PPM1L: variants seen among roughly 807,000 people sequenced by gnomAD.
PPM1L encodes the protein protein phosphatase, Mg2+/Mn2+ dependent 1L.
PPM1L carries 13 observed loss-of-function variants against 31.4 expected under a neutral mutation model. The observed-to-expected ratio is 0.41, with a 90% CI of 0.27 to 0.66. The LOEUF is 0.66. PPM1L is among the 30% of genes least tolerant of loss of function. PPM1L has a pLI of 0.29. For missense variants in PPM1L, 326 were observed against 453.7 expected (o/e 0.72, Z 2.56); for synonymous variants, 184 against 175.4 (o/e 1.05, Z -0.39).
intron 1 of PPM1L, among the ~76,000 whole-genome samples, chr3:160,786,157 C>CTG (rs1239014226): frequency 0.011 from 778 of 69,108 alleles, 10 homozygotes; most frequent in Non-Finnish European, 0.015. Context: ...CTCTCTCTCT[C>CTG]TGTGTGTGTG....
chr3:161,038,142 G>A (rs1576799186), intron 2 of PPM1L, among the ~76,000 whole-genome samples: 1 of 148,546 alleles, frequency 6.7e-6, no homozygotes, highest in South Asian at 2.1e-4. Context: ...GCTGAGGCAG[G>A]AGAATGGCGT....
intron 2 of PPM1L, among the ~76,000 whole-genome samples, chr3:161,029,823 A>G (rs1230788948): frequency 6.6e-6 from 1 of 152,288 alleles, no homozygotes; most frequent in African/African-American, 2.4e-5. Flanking sequence ...AGAGAAAACA[A>G]AAGAGAGCAA....
chr3:160,878,963 T>C (rs1034423637), intron 1 of PPM1L, among the ~76,000 whole-genome samples: 3 of 152,204 alleles, frequency 2.0e-5, no homozygotes, highest in Admixed American at 1.3e-4. Flanking sequence ...GCTCCAAACA[T>C]TTATTAAACT....
At chr3:161,008,934 G>A (rs1717797641) in intron 2 of PPM1L, among the ~76,000 whole-genome samples, 1 of 152,066 alleles carries the variant, frequency 6.6e-6, no homozygotes, top group African/African-American at 2.4e-5. Flanking sequence ...GCATAGAGAT[G>A]GTATTTAAAG....
rs1330721417 is a variant in PPM1L at position 160,783,572 on chromosome 3, C to T, written c.399+26865C>T. On this transcript the variant is annotated intron_variant, in intron 1 of 3. Transcript: ENST00000498165. ...CCGAGATCTCACCATTGCACTCCAG[C>T]CTGGGCAACAAGAGCGAAACTCCAT... 1.6e-4 allele frequency among the ~76,000 whole-genome samples: 24 copies of T among 148,224 alleles called. 1 individual carries two copies. The highest frequency in any genetic ancestry group is 8.1e-4 in the Admixed American group (12 of 14,808).
In PPM1L at chr3:161,017,327, G is replaced by A. The variant is rs189143973; in HGVS notation, c.575-48076G>A. On this transcript the variant is annotated intron_variant, in intron 2 of 3. Transcript: ENST00000498165. ...TCAGAACTCCAAGGAATTTGAGGGA[G>A]ATTAGATATAGAGAAGTGTCATATT... is the stretch of plus-strand genomic sequence containing the variant. 3.2e-3 allele frequency among the ~76,000 whole-genome samples: 481 copies of A among 152,260 alleles called. 2 individuals carry two copies. The highest frequency in any genetic ancestry group is 4.5e-3 in the Non-Finnish European group (309 of 68,012).
At chr3:160,806,501 T>C (rs1712603664) in intron 1 of PPM1L, among the ~76,000 whole-genome samples, 1 of 152,192 alleles carries the variant, frequency 6.6e-6, no homozygotes, top group African/African-American at 2.4e-5. Flanking sequence ...TATTCACAAT[T>C]GTTGGTACAC....
chr3:160,944,809 A>AAC lies in PPM1L; in HGVS notation c.400-16925_400-16924dup, dbSNP rs1332471457. Among the ~76,000 whole-genome samples the AAC allele has an allele frequency of 2.7e-4, 2 of 7,308 alleles. 1 individual carries two copies. Among genetic ancestry groups the AAC allele is most frequent in the African/African-American group, 6.2e-4 (2 of 3,252 alleles). 4.8% of individuals were successfully genotyped at this position (7,308 alleles called of 152,430 possible). On this transcript the variant is annotated intron_variant, in intron 1 of 3. Transcript: ENST00000498165. ...TATATATGTTATATATAACATATAT[A>AAC]ACATATATATGTTATATATAACATA...
intron 2 of PPM1L, among the ~76,000 whole-genome samples, 153 bp from the exon 3 acceptor site, chr3:161,065,250 G>A (rs142922852): frequency 6.6e-5 from 10 of 152,230 alleles, no homozygotes; most frequent in Admixed American, 2.0e-4. Context: ...CATTGTTGTC[G>A]AAGTGAACAG....
In PPM1L at chr3:160,974,916, C is replaced by G. The variant is rs540932806; in HGVS notation, c.574+13006C>G. Among the ~76,000 whole-genome samples, 129 of 151,570 alleles carry G rather than the reference C, an allele frequency of 8.5e-4. 1 individual carries two copies. The South Asian group carries it at 9.2e-3, about 11-fold the overall frequency. On this transcript the variant is annotated intron_variant, in intron 2 of 3. Coordinates refer to ENST00000498165, the MANE Select transcript of PPM1L (RefSeq NM_139245.4). Reference sequence around the variant, plus strand: ...TCAATTTTGGCTTTTGTTGCCATTGCTTTTGGTGTTTTAGACATGAAGTCC... The same window carrying G: ...TCAATTTTGGCTTTTGTTGCCATTGGTTTTGGTGTTTTAGACATGAAGTCC...
At chr3:161,004,673 GATCGGTGGTGAT>G (rs1250174373) in intron 2 of PPM1L, among the ~76,000 whole-genome samples, 4 of 148,910 alleles carry the variant, frequency 2.7e-5, no homozygotes, top group Non-Finnish European at 6.0e-5. Context: ...ATTTCTGTGG[GATCGGTGGTGAT>G]ATCCCCTTTA....
chr3:160,956,111 AC>A (rs1464836437), intron 1 of PPM1L, among the ~76,000 whole-genome samples: 1 of 152,170 alleles, frequency 6.6e-6, no homozygotes, highest in Non-Finnish European at 1.5e-5. Flanking sequence ...TCAGCATTCT[AC>A]CTACATTTCC....
intron 2 of PPM1L, among the ~76,000 whole-genome samples, chr3:161,037,164 G>C (rs992358387): frequency 6.6e-6 from 1 of 152,170 alleles, no homozygotes; most frequent in Non-Finnish European, 1.5e-5. Context: ...TGATTCCTTT[G>C]TAGTGAATGA....
rs867521691 is a variant in PPM1L, at chr3:160,756,789, G to GTGTGTGTGTA, written c.399+83_399+84insGTGTGTGTAT. On this transcript the variant is annotated intron_variant, in intron 1 of 3. Transcript: ENST00000498165. The surrounding 1 kb of genome is among the most constrained non-coding windows in gnomAD (Gnocchi z 6.2). Reference sequence around the variant, plus strand: ...TGTGTGTGTGTGTGTGTGTGTGTGTGTATAAACAACAGGACAGCGTGTGCG... The same window carrying GTGTGTGTGTA: ...TGTGTGTGTGTGTGTGTGTGTGTGTGTGTGTGTGTATATAAACAACAGGACAGCGTGTGCG... 5.4e-6 allele frequency: 7 copies of GTGTGTGTGTA among 1,285,738 alleles called. No individual in the cohort carries two copies. The African/African-American group carries it at 7.7e-5, about 14-fold the overall frequency. 79.6% of individuals were successfully genotyped at this position (1,285,738 alleles called of 1,614,324 possible). A position where few individuals can be genotyped will look rare whatever the true frequency, so the allele number is the denominator to read the frequency against.
At chr3:160,903,201 T>TG (rs746985768) in intron 1 of PPM1L, among the ~76,000 whole-genome samples, 2,956 of 88,096 alleles carry the variant, frequency 0.034, 38 homozygotes, top group African/African-American at 0.048. Flanking sequence ...GTGGTATGTG[T>TG]GTATGTTTGT....
chr3:160,985,097 G>A (rs986640722), intron 2 of PPM1L, among the ~76,000 whole-genome samples: 1 of 152,168 alleles, frequency 6.6e-6, no homozygotes, highest in African/African-American at 2.4e-5. Flanking sequence ...GGAGGCTAAT[G>A]CCCAGGCTGC....
chr3:160,784,029 G>T (rs1711825960), intron 1 of PPM1L, among the ~76,000 whole-genome samples: 1 of 152,098 alleles, frequency 6.6e-6, no homozygotes, highest in South Asian at 2.1e-4. Flanking sequence ...AAACATGTTG[G>T]ATTTCACTAT....
chr3:161,007,333 A>G (rs1477432789), intron 2 of PPM1L, among the ~76,000 whole-genome samples: 1 of 152,246 alleles, frequency 6.6e-6, no homozygotes, highest in Non-Finnish European at 1.5e-5. Context: ...AAATACCTGA[A>G]TAAAATGGAC....
At chr3:160,829,267 T>C (rs2108096303) in intron 1 of PPM1L, among the ~76,000 whole-genome samples, 1 of 152,176 alleles carries the variant, frequency 6.6e-6, no homozygotes, top group Middle Eastern at 3.4e-3. Context: ...TTTATGTCTG[T>C]TTCTGTGGTA....
Sources: gnomAD v4.1 joint callset for allele counts (sites outside exome capture counted in the v4.1 genomes callset) on GRCh38, gnomAD v4.1.1 for gene constraint, Gnocchi (gnomAD v3.1) non-coding constraint, MANE v1.5 for transcripts, NCBI Gene and HGNC (gene_info 2026-07-23, HGNC 2026-07-21) for gene names.